The following SCAPER variants were observed in gnomAD, a reference collection of about 807,000 sequenced individuals.
The protein encoded by SCAPER is S phase cyclin A-associated protein in the endoplasmic reticulum.
A neutral mutation model predicts 182.2 loss-of-function variants in SCAPER; 98 were observed. The ratio of observed to expected loss-of-function variants is 0.54; its 90% CI spans 0.46 to 0.64. The LOEUF (loss-of-function observed/expected upper bound fraction) is 0.64, where lower values mean the gene tolerates loss of function less well. Among genes scored for constraint, SCAPER ranks in the 30% least tolerant of loss-of-function variants. SCAPER has a pLI of 0.00. For missense variants in SCAPER, 1,432 were observed against 1,690.0 expected, an observed-to-expected ratio of 0.85 and a Z score of 2.68; for synonymous variants, 605 against 564.6, an observed-to-expected ratio of 1.07 and a Z score of -1.01.
At chr15:76,756,724 G>A (rs1351406628) in intron 14 of SCAPER, among the ~76,000 whole-genome samples, 1 of 152,254 alleles carries the variant, frequency 6.6e-6, no homozygotes, top group East Asian at 1.9e-4. Flanking sequence ...AGTTATAAGA[G>A]TGACTGTATA....
chr15:76,355,786 G>A (rs1031178985), intron 29 of SCAPER, among the ~76,000 whole-genome samples: 9 of 152,218 alleles, frequency 5.9e-5, no homozygotes, highest in African/African-American at 2.2e-4. Flanking sequence ...GTGAGGCAGA[G>A]CCCCTTAGGG....
intron 23 of SCAPER, among the ~76,000 whole-genome samples, chr15:76,507,366 G>A (rs1199852382): frequency 6.6e-6 from 1 of 151,950 alleles, no homozygotes; most frequent in Non-Finnish European, 1.5e-5. Context: ...TAAAACCGAG[G>A]GAAAATCAAT....
chr15:76,799,421 C>T (rs1213431206), intron 7 of SCAPER, among the ~76,000 whole-genome samples: 1 of 149,572 alleles, frequency 6.7e-6, no homozygotes, highest in Non-Finnish European at 1.5e-5. Flanking sequence ...TGCCACGACA[C>T]ATGGCTAATT....
intron 4 of SCAPER, among the ~76,000 whole-genome samples, chr15:76,852,878 T>A (rs975180428): frequency 2.0e-5 from 3 of 152,028 alleles, no homozygotes; most frequent in Admixed American, 2.0e-4. Flanking sequence ...GAAAAACCTT[T>A]CAAAAGATCA....
At chr15:76,621,885 C>T in intron 21 of SCAPER, 56 bp from the exon 22 acceptor site, 1 of 1,264,898 alleles carries the variant, frequency 7.9e-7, no homozygotes, top group East Asian at 2.5e-5. Flanking sequence ...TTATAATAAA[C>T]CAAAATGTTG....
At chr15:76,506,753 T>C (rs1280497494) in intron 23 of SCAPER, among the ~76,000 whole-genome samples, 2 of 152,220 alleles carry the variant, frequency 1.3e-5, no homozygotes, top group African/African-American at 4.8e-5. Context: ...ACTAGAATAT[T>C]TGTCTTCAGC....
chr15:76,570,138 T>C (rs2047334253), intron 23 of SCAPER, among the ~76,000 whole-genome samples: 1 of 152,166 alleles, frequency 6.6e-6, no homozygotes, highest in Admixed American at 6.6e-5. Flanking sequence ...AGGATCATTT[T>C]AATCTTTTTT....
intron 21 of SCAPER, among the ~76,000 whole-genome samples, chr15:76,651,312 C>T (rs766146527): frequency 6.6e-6 from 1 of 152,016 alleles, no homozygotes; most frequent in Non-Finnish European, 1.5e-5. Context: ...GAGGATGTCA[C>T]TAAAAAGCAT....
chr15:76,793,812 T>A, intron 8 of SCAPER, among the ~76,000 whole-genome samples: 1 of 152,174 alleles, frequency 6.6e-6, no homozygotes, highest in Non-Finnish European at 1.5e-5. Flanking sequence ...AGAGCACAGG[T>A]AAAATAACCT....
intron 2 of SCAPER, among the ~76,000 whole-genome samples, chr15:76,882,288 AG>A (rs2073596527): frequency 6.6e-6 from 1 of 152,076 alleles, no homozygotes; most frequent in South Asian, 2.1e-4. Flanking sequence ...GCTACTTAGG[AG>A]GCTGAGGTGG....
intron 5 of SCAPER, among the ~76,000 whole-genome samples, chr15:76,839,611 T>C (rs1266252627): frequency 1.3e-5 from 2 of 152,250 alleles, no homozygotes; most frequent in East Asian, 3.8e-4. Context: ...TTGAGCATCT[T>C]GGCACAGAAT....
At chr15:76,401,732 G>A (rs1353203316) in intron 27 of SCAPER, among the ~76,000 whole-genome samples, 1 of 152,186 alleles carries the variant, frequency 6.6e-6, no homozygotes, top group African/African-American at 2.4e-5. Context: ...CGTATCTCTT[G>A]GTTTGGGCTG....
chr15:76,524,155 A>G (rs551756872), intron 23 of SCAPER, among the ~76,000 whole-genome samples: 1 of 152,284 alleles, frequency 6.6e-6, no homozygotes, highest in African/African-American at 2.4e-5. Flanking sequence ...AAAATACTGT[A>G]AAATGCTTTC....
chr15:76,469,881 A>C (rs1439339665), intron 25 of SCAPER, among the ~76,000 whole-genome samples: 1 of 152,066 alleles, frequency 6.6e-6, no homozygotes, highest in Non-Finnish European at 1.5e-5. Flanking sequence ...TGCCTTTCAA[A>C]TATTTCTGAT....
intron 3 of SCAPER, among the ~76,000 whole-genome samples, chr15:76,860,461 G>A (rs2071783564): frequency 6.6e-6 from 1 of 152,120 alleles, no homozygotes; most frequent in African/African-American, 2.4e-5. Flanking sequence ...AAAAGCTACA[G>A]GGGAAGACAG....
At position 76,592,568 on chromosome 15, in the gene SCAPER, C is replaced by A. The variant is rs1477374884; in HGVS notation, c.2712-18284G>T. ...AGGAACAGCTCCATTCTGCAGCTCC[C>A]AGCGAGATCAACGCAGAAGGCAGGT... is the stretch of plus-strand genomic sequence containing the variant. On this transcript the variant is annotated intron_variant, in intron 22 of 31. Coordinates refer to ENST00000563290, the MANE Select transcript of SCAPER (RefSeq NM_020843.4). 4.9e-5 allele frequency among the ~76,000 whole-genome samples: 6 copies of A among 123,142 alleles called. 1 individual carries two copies. The highest frequency in any genetic ancestry group is 1.5e-4 in the African/African-American group (6 of 40,074). 80.8% of individuals were successfully genotyped at this position (123,142 alleles called of 152,430 possible). A position where few individuals can be genotyped will look rare whatever the true frequency, so the allele number is the denominator to read the frequency against.
chr15:76,522,230 GAAT>G (rs2042891021), intron 23 of SCAPER, among the ~76,000 whole-genome samples: 1 of 151,990 alleles, frequency 6.6e-6, no homozygotes, highest in African/African-American at 2.4e-5. Flanking sequence ...AACCTATGGA[GAAT>G]AATAATTTAG....
At chr15:76,700,026 G>C (rs1267281699) in intron 20 of SCAPER, among the ~76,000 whole-genome samples, 1 of 152,196 alleles carries the variant, frequency 6.6e-6, no homozygotes, top group East Asian at 1.9e-4. Context: ...TGGTCAGGCA[G>C]GGTCTCCTGG....
At chr15:76,813,614 G>A (rs1028648414) in intron 5 of SCAPER, among the ~76,000 whole-genome samples, 17 of 152,110 alleles carry the variant, frequency 1.1e-4, no homozygotes, top group African/African-American at 3.9e-4. Context: ...ATGAAAAGTA[G>A]CAGGATACAA....
Sources: allele counts gnomAD v4.1 joint callset (sites outside exome capture counted in the v4.1 genomes callset), GRCh38; gene constraint gnomAD v4.1.1; transcripts MANE v1.5; gene names NCBI Gene and HGNC (gene_info 2026-07-23, HGNC 2026-07-21).